DOP1A: variants seen among roughly 807,000 people sequenced by gnomAD.
The protein encoded by DOP1A is DOP1 leucine zipper like protein A, also known as protein DOP1A.
In DOP1A, 90 loss-of-function variants were observed where a neutral mutation model predicts 267.6. The observed-to-expected ratio is 0.34, with a 90% CI of 0.28 to 0.40. The LOEUF is 0.40. DOP1A is among the 10% of genes least tolerant of loss of function. The pLI, the probability that DOP1A is intolerant of heterozygous loss-of-function variation, is 1.00. For synonymous variants in DOP1A, 932 were observed against 999.1 expected, an observed-to-expected ratio of 0.93 and a Z score of 1.27; for missense variants, 2,437 against 2,900.4, an observed-to-expected ratio of 0.84 and a Z score of 3.67.
In DOP1A at chr6:83,116,369, A is replaced by C. The variant is rs548651425; in HGVS notation, c.781-2519A>C. ...GAAATACTGGTTTATTGAATTATGC[A>C]GATTTTCCAAATGTTTTCACATTTT... On this transcript the variant is annotated intron_variant, in intron 7 of 38. Transcript: ENST00000349129. 6.3e-4 allele frequency among the ~76,000 whole-genome samples: 96 copies of C among 152,292 alleles called. 1 individual carries two copies. The highest frequency in any genetic ancestry group is 2.3e-3 in the African/African-American group (95 of 41,556).
chr6:83,090,681 G>T (rs1185376714), intron 1 of DOP1A, among the ~76,000 whole-genome samples: 1 of 152,130 alleles, frequency 6.6e-6, no homozygotes, highest in Non-Finnish European at 1.5e-5. Context: ...TTTTAGAAAA[G>T]TATTGGTCAG....
At chr6:83,169,678 C>A, downstream of DOP1A, 1 of 463,794 alleles carries the variant, frequency 2.2e-6, no homozygotes, top group Non-Finnish European at 4.3e-6. Context: ...CATGGATATT[C>A]ATTAGACTCT....
At chr6:83,146,179 A>G (rs1205075363) in intron 25 of DOP1A, among the ~76,000 whole-genome samples, 1 of 152,190 alleles carries the variant, frequency 6.6e-6, no homozygotes, top group Non-Finnish European at 1.5e-5. Flanking sequence ...CTGTGTTTCT[A>G]GGCAAAAATA....
chr6:83,146,452 T>C (rs750688856), intron 25 of DOP1A, among the ~76,000 whole-genome samples: 9 of 152,192 alleles, frequency 5.9e-5, no homozygotes, highest in Non-Finnish European at 1.0e-4. Flanking sequence ...AAGTTTTTAA[T>C]AAAAACTGGG....
intron 1 of DOP1A, among the ~76,000 whole-genome samples, chr6:83,075,915 A>G (rs533817311): frequency 6.6e-6 from 1 of 152,362 alleles, no homozygotes; most frequent in African/African-American, 2.4e-5. Flanking sequence ...GAAAAGCTTT[A>G]TGACATTGAG....
intron 1 of DOP1A, among the ~76,000 whole-genome samples, chr6:83,069,622 T>G (rs548386133): frequency 6.6e-6 from 1 of 152,330 alleles, no homozygotes; most frequent in African/African-American, 2.4e-5. Flanking sequence ...ATAAAAAAAA[T>G]TATATTTTTC....
rs754914804 is a variant in DOP1A at position 83,099,432 on chromosome 6, AGTTAG to A, written c.139-1269_139-1265del. Reference sequence around the variant, plus strand: ...TAAAAGTACAAGTTTGCTTAAAGGTAGTTAGGTTCTTTTTTTTCCTAAAGAGTTTT... The same window carrying A: ...TAAAAGTACAAGTTTGCTTAAAGGTAGTTCTTTTTTTTCCTAAAGAGTTTT... On this transcript the variant is annotated intron_variant, in intron 3 of 38. Transcript: ENST00000349129. Among the ~76,000 whole-genome samples, 3 of 152,168 alleles carry A rather than the reference AGTTAG, an allele frequency of 2.0e-5. No individual in the cohort carries two copies. In the East Asian group the frequency reaches 5.8e-4, roughly 29 times the overall value.
At position 83,149,318 on chromosome 6, in the gene DOP1A, A is replaced by G. The variant is rs148698199; in HGVS notation, c.5837+455A>G. Among the ~76,000 whole-genome samples, 9 of 152,308 alleles carry G rather than the reference A, an allele frequency of 5.9e-5. No homozygotes were observed. The East Asian group carries it at 1.7e-3, about 29-fold the overall frequency. ...ATTATTTGATAAATGTTAGTCACCT[A>G]TGACTGCAAGTACTGGGATGTCATA... On this transcript the variant is annotated intron_variant, in intron 27 of 38. Transcript: ENST00000349129.
intron 7 of DOP1A, among the ~76,000 whole-genome samples, 198 bp downstream of exon 7, chr6:83,113,619 G>A (rs1177493104): frequency 1.3e-5 from 2 of 152,140 alleles, no homozygotes; most frequent in African/African-American, 4.8e-5. Context: ...GATTTGATAA[G>A]AATATGGTCA....
rs377409005 is a variant in DOP1A at position 83,127,634 on chromosome 6, G to T, written c.1720-1253G>T. Among the ~76,000 whole-genome samples, 5 of 152,306 alleles carry T rather than the reference G, an allele frequency of 3.3e-5. No individual in the cohort carries two copies. The East Asian group carries it at 7.7e-4, about 24-fold the overall frequency. On this transcript the variant is annotated intron_variant, in intron 15 of 38. Coordinates refer to ENST00000349129, the MANE Select transcript of DOP1A (RefSeq NM_015018.4). ...TAGAGGAGAAACAAAAACAGATGTG[G>T]GAAGACCTATAGTAGCGCAGGTGAG...
At chr6:83,169,841 C>T (rs1562406839), downstream of DOP1A, 4 of 456,252 alleles carry the variant, frequency 8.8e-6, no homozygotes, top group Non-Finnish European at 1.8e-5. Flanking sequence ...AGTCTTGACC[C>T]CTGTCAGGGA....
At chr6:83,134,533 C>T (rs1490603399) in intron 19 of DOP1A, 7 of 370,656 alleles carry the variant, frequency 1.9e-5, no homozygotes, top group East Asian at 9.3e-5. Flanking sequence ...CTATTCATCA[C>T]GTTCCTGATA....
At chr6:83,113,863 A>G (rs1004377341) in intron 7 of DOP1A, among the ~76,000 whole-genome samples, 32 of 152,316 alleles carry the variant, frequency 2.1e-4, no homozygotes, top group African/African-American at 7.0e-4. Context: ...TTTATTACAA[A>G]TAAGTGCAAC....
rs780261956 is a variant in DOP1A at position 83,151,674 on chromosome 6, G to GA, written c.5904+16dup. ...GAGACCTTCAGGTAAGGCAGTCTAA[G>GA]AGCTGTTGCCAAAACTGTTTCTCAG... is the stretch of plus-strand genomic sequence containing the variant. On this transcript the variant is annotated intron_variant, in intron 28 of 38. Coordinates refer to ENST00000349129, the MANE Select transcript of DOP1A (RefSeq NM_015018.4). 188 of 1,590,322 alleles carry GA rather than the reference G, an allele frequency of 1.2e-4. No individual in the cohort carries two copies. Among genetic ancestry groups the GA allele is most frequent in the Non-Finnish European group, 1.5e-4 (178 of 1,173,360 alleles).
intron 23 of DOP1A, 111 bp from the exon 24 acceptor site, chr6:83,141,810 G>A: frequency 9.3e-7 from 1 of 1,079,890 alleles, no homozygotes; most frequent in Non-Finnish European, 1.3e-6. Flanking sequence ...TATTTAGATA[G>A]TAAAACCTAT....
chr6:83,170,793 G>A (rs779890944), downstream of DOP1A: 2 of 203,776 alleles, frequency 9.8e-6, no homozygotes, highest in Non-Finnish European at 2.0e-5. Flanking sequence ...CATTATATAA[G>A]AAGACCGATA....
rs772425646 is a variant in DOP1A at position 83,097,048 on chromosome 6, C to T, written c.71C>T (p.Ala24Val). The T allele has an allele frequency of 6.2e-7, 1 of 1,614,036 alleles. No homozygotes were observed. Among genetic ancestry groups the T allele is most frequent in the South Asian group, 1.1e-5 (1 of 91,072 alleles). The change falls in exon 3 of 39, where the codon GCA becomes GTA. Residue 24 changes from alanine (A) to valine (V), a missense_variant. This residue lies in a region of DOP1A where 251 missense variants were observed against 359.1 expected (regional missense o/e 0.70). Coordinates refer to ENST00000349129, the MANE Select transcript of DOP1A (RefSeq NM_015018.4). ...YRNYVAAIDK[A>V]LKNFEYSSEW... ...AACTATGTAGCAGCAATTGACAAAG[C>T]ACTAAAGAATTTTGAATACTCCAGT...
In DOP1A at chr6:83,132,350, A is replaced by G. The variant is rs758527234; in HGVS notation, c.2769+22A>G. On this transcript the variant is annotated intron_variant, in intron 18 of 38. Coordinates refer to ENST00000349129, the MANE Select transcript of DOP1A (RefSeq NM_015018.4). ...TAAGGTAAATCCTCTTATCTTGTGC[A>G]CACCGCCCCCTCCGCCACACACACA... 1.9e-6 allele frequency: 3 copies of G among 1,581,300 alleles called. No individual in the cohort carries two copies. In the South Asian group the frequency reaches 3.4e-5, roughly 18 times the overall value.
At chr6:83,130,499 T>C (rs1199527465) in intron 17 of DOP1A, 102 bp downstream of exon 17, 6 of 1,375,350 alleles carry the variant, frequency 4.4e-6, no homozygotes, top group Non-Finnish European at 5.9e-6. Flanking sequence ...TAATAAAGCT[T>C]CATTTAAACA....
Sources: gnomAD v4.1 joint callset for allele counts (sites outside exome capture counted in the v4.1 genomes callset) on GRCh38, gnomAD v4.1.1 for gene constraint, gnomAD v4.1.1 regional missense constraint, MANE v1.5 for transcripts, NCBI Gene and HGNC (gene_info 2026-07-23, HGNC 2026-07-21) for gene names.